Variants in TMPRSS11F observed in about 807,000 individuals in gnomAD.
TMPRSS11F encodes the protein transmembrane protease serine 11F.
A neutral mutation model predicts 60.2 loss-of-function variants in TMPRSS11F; 47 were observed. That is an observed-to-expected ratio of 0.78 (90% CI 0.62 to 1.00). The LOEUF is 1.00. Among genes scored for constraint, TMPRSS11F ranks in the 50% least tolerant of loss-of-function variants. The pLI is 0.00. For missense variants in TMPRSS11F, 519 were observed against 522.9 expected, an observed-to-expected ratio of 0.99 and a Z score of 0.07; for synonymous variants, 166 against 167.3, an observed-to-expected ratio of 0.99 and a Z score of 0.06.
At chr4:68,129,667 C>A in intron 1 of TMPRSS11F, 143 bp downstream of exon 1, 2 of 672,346 alleles carry the variant, frequency 3.0e-6, no homozygotes, top group Admixed American at 3.0e-5. Flanking sequence ...AACAATAAAA[C>A]TTTAATATAA....
intron 5 of TMPRSS11F, among the ~76,000 whole-genome samples, chr4:68,070,462 A>G (rs1426437669): frequency 1.3e-5 from 2 of 152,196 alleles, no homozygotes; most frequent in Admixed American, 6.5e-5. Context: ...CAGACCCCTG[A>G]GGGCCCAATT....
At chr4:68,089,412 T>C (rs952770228) in intron 3 of TMPRSS11F, among the ~76,000 whole-genome samples, 1 of 151,980 alleles carries the variant, frequency 6.6e-6, no homozygotes, top group African/African-American at 2.4e-5. Context: ...CTAGTTGAAA[T>C]TGAACAGGAA....
rs1723384709 is a variant in TMPRSS11F at position 68,068,681 on chromosome 4, T to C, written c.692A>G (p.His231Arg). The change falls in exon 7 of 10, where the codon CAT (histidine) becomes CGT (arginine). Residue 231 changes from histidine (H) to arginine (R), a missense_variant. Coordinates refer to ENST00000356291, the MANE Select transcript of TMPRSS11F (RefSeq NM_207407.2). ...QASLQLIGSG[H>R]QCGASLISNT... ...ACTGATGAGGCTGGCTCCACACTGA[T>C]GGCCTGACCCTATGAGCTGGAGGCT... 1.2e-6 allele frequency: 2 copies of C among 1,614,194 alleles called. No individual in the cohort carries two copies. Among genetic ancestry groups the C allele is most frequent in the East Asian group, 2.2e-5 (1 of 44,876 alleles).
chr4:68,074,091 T>A (rs1560397507), intron 3 of TMPRSS11F, 82 bp from the exon 4 acceptor site: 2 of 848,654 alleles, frequency 2.4e-6, no homozygotes, highest in South Asian at 2.1e-5. Flanking sequence ...GTATTAGTCT[T>A]AAGAAAAGTG....
intron 4 of TMPRSS11F, among the ~76,000 whole-genome samples, chr4:68,073,090 T>C (rs970830564): frequency 6.6e-6 from 1 of 152,192 alleles, no homozygotes; most frequent in African/African-American, 2.4e-5. Context: ...CACTCTTCCC[T>C]TGTCTGCCAA....
In TMPRSS11F at chr4:68,068,655, T is replaced by G; in HGVS notation, c.718A>C (p.Asn240His). The change falls in exon 7 of 10, where the codon AAC becomes CAC. Residue 240 changes from asparagine (N) to histidine (H), a missense_variant. Coordinates refer to ENST00000356291, the MANE Select transcript of TMPRSS11F (RefSeq NM_207407.2). ...GHQCGASLIS[N>H]TWLLTAAHCF... ...TGAGCTGCTGTGAGCAGCCATGTGTTACTGATGAGGCTGGCTCCACACTGA... is the reference window on the plus strand; with the variant it reads ...TGAGCTGCTGTGAGCAGCCATGTGTGACTGATGAGGCTGGCTCCACACTGA... The G allele has an allele frequency of 6.2e-7, 1 of 1,614,194 alleles. No homozygotes were observed. The highest frequency in any genetic ancestry group is 8.5e-7 in the Non-Finnish European group (1 of 1,180,034).
At chr4:68,080,373 A>T (rs1236924303) in intron 3 of TMPRSS11F, 1 of 152,236 alleles carries the variant, frequency 6.6e-6, no homozygotes, top group African/African-American at 2.4e-5. Context: ...GTGAGAAAAG[A>T]ATTGTAGTAG....
At chr4:68,083,463 G>T (rs1723747282) in intron 3 of TMPRSS11F, among the ~76,000 whole-genome samples, 1 of 152,106 alleles carries the variant, frequency 6.6e-6, no homozygotes, top group South Asian at 2.1e-4. Context: ...TTACTCTTAA[G>T]CACCATCTAC....
At chr4:68,073,841 G>T in intron 4 of TMPRSS11F, 101 bp downstream of exon 4, 1 of 670,232 alleles carries the variant, frequency 1.5e-6, no homozygotes, top group Non-Finnish European at 2.5e-6. Context: ...TGAAATCTCT[G>T]TGTTGCTGTA....
At chr4:68,118,484 T>C (rs575771628) in intron 1 of TMPRSS11F, among the ~76,000 whole-genome samples, 30 of 152,314 alleles carry the variant, frequency 2.0e-4, no homozygotes, top group Middle Eastern at 3.4e-3. Context: ...ACTTCCTGTA[T>C]ATTTTATGCA....
At chr4:68,069,112 T>C (rs1723398747) in intron 6 of TMPRSS11F, among the ~76,000 whole-genome samples, 2 of 152,222 alleles carry the variant, frequency 1.3e-5, no homozygotes, top group Admixed American at 1.3e-4. Context: ...CTATGTGTCT[T>C]AGATGTATTT....
At chr4:68,088,248 C>G (rs979711735) in intron 3 of TMPRSS11F, among the ~76,000 whole-genome samples, 5 of 151,584 alleles carry the variant, frequency 3.3e-5, no homozygotes, top group Non-Finnish European at 7.4e-5. Context: ...CAATCCTAGT[C>G]TCTGATAAAA....
chr4:68,061,294 A>AC (rs1339877048), intron 8 of TMPRSS11F, among the ~76,000 whole-genome samples: 6 of 152,214 alleles, frequency 3.9e-5, no homozygotes, highest in Non-Finnish European at 7.4e-5. Context: ...TCGAAGGCTT[A>AC]ATTTTGCAAA....
At chr4:68,071,421 C>T (rs1205495138) in intron 5 of TMPRSS11F, among the ~76,000 whole-genome samples, 2 of 152,138 alleles carry the variant, frequency 1.3e-5, no homozygotes, top group Non-Finnish European at 2.9e-5. Flanking sequence ...ATACAAGCCC[C>T]TCTCCCATCT....
chr4:68,107,942 A>T (rs935478269), intron 1 of TMPRSS11F, among the ~76,000 whole-genome samples: 7 of 151,810 alleles, frequency 4.6e-5, no homozygotes, highest in Non-Finnish European at 8.8e-5. Flanking sequence ...TCTCAAATTT[A>T]AAAAAAAGAA....
At position 68,069,696 on chromosome 4, in the gene TMPRSS11F, T is replaced by C. The variant is rs111291235; in HGVS notation, c.553+273A>G. Among the ~76,000 whole-genome samples, 6,194 of 152,092 alleles carry C rather than the reference T, an allele frequency of 0.041. 375 individuals carry two copies. The highest frequency in any genetic ancestry group is 0.13 in the African/African-American group (5,330 of 41,488). On this transcript the variant is annotated intron_variant, in intron 6 of 9. Transcript: ENST00000356291. ...AATTGTTAGATAATATTAAAAGTTATTTATAATGAATATTAATATAATATC... is the reference window on the plus strand; with the variant it reads ...AATTGTTAGATAATATTAAAAGTTACTTATAATGAATATTAATATAATATC...
chr4:68,069,821 A>G, intron 6 of TMPRSS11F, 148 bp downstream of exon 6: 1 of 511,998 alleles, frequency 2.0e-6, no homozygotes, highest in Middle Eastern at 5.4e-4. Context: ...TTAAATGCTA[A>G]AAATAATAAA....
At position 68,117,951 on chromosome 4, in the gene TMPRSS11F, G is replaced by A. The variant is rs191100971; in HGVS notation, c.11+11859C>T. Among the ~76,000 whole-genome samples the A allele has an allele frequency of 3.5e-4, 53 of 152,250 alleles. 2 individuals are homozygous for A. Among genetic ancestry groups the A allele is most frequent in the Admixed American group, 3.3e-3 (51 of 15,290 alleles). On this transcript the variant is annotated intron_variant, in intron 1 of 9. Transcript: ENST00000356291. ...AAATACTTCTTTTCTTCTAAAATAA[G>A]TCAAACTGAGAGATAACTCCTTATT...
intron 3 of TMPRSS11F, among the ~76,000 whole-genome samples, chr4:68,086,698 C>G (rs969240248): frequency 6.6e-6 from 1 of 152,060 alleles, no homozygotes; most frequent in South Asian, 2.1e-4. Context: ...TACAACCAAT[C>G]CCACAGAAAT....
Sources: allele counts gnomAD v4.1 joint callset (sites outside exome capture counted in the v4.1 genomes callset), GRCh38; gene constraint gnomAD v4.1.1; transcripts MANE v1.5; gene names NCBI Gene and HGNC (gene_info 2026-07-23, HGNC 2026-07-21).